The following SNX30 variants were observed in gnomAD, a reference collection of about 807,000 sequenced individuals.
The protein encoded by SNX30 is sorting nexin-30.
A neutral mutation model predicts 46.4 loss-of-function variants in SNX30; 24 were observed. The observed-to-expected ratio is 0.52, with a 90% CI of 0.37 to 0.73. The LOEUF (loss-of-function observed/expected upper bound fraction) is 0.73, where lower values mean the gene tolerates loss of function less well. Ranked by LOEUF, SNX30 falls within the 30% of genes least tolerant of loss-of-function variation. The pLI, the probability that SNX30 is intolerant of heterozygous loss-of-function variation, is 0.00. For synonymous variants in SNX30, 189 were observed against 211.5 expected, an observed-to-expected ratio of 0.89 and a Z score of 0.92; for missense variants, 533 against 555.7, an observed-to-expected ratio of 0.96 and a Z score of 0.41.
chr9:112,857,812 CTAT>C, intron 7 of SNX30, among the ~76,000 whole-genome samples: 2 of 152,062 alleles, frequency 1.3e-5, no homozygotes, highest in East Asian at 1.9e-4. Context: ...ATCCATCCAT[CTAT>C]CTATTTATTT....
At chr9:112,808,738 A>G (rs185132054) in intron 2 of SNX30, among the ~76,000 whole-genome samples, 15 of 152,362 alleles carry the variant, frequency 9.8e-5, no homozygotes, top group Admixed American at 9.8e-4. Flanking sequence ...AGTATTTTGT[A>G]TACTGCCAAT....
chr9:112,762,404 C>T (rs1363483239), intron 1 of SNX30, among the ~76,000 whole-genome samples: 1 of 152,046 alleles, frequency 6.6e-6, no homozygotes, highest in Non-Finnish European at 1.5e-5. Context: ...GTGCTACATG[C>T]TGGGGCTGTA....
rs10739377 is a variant in SNX30, at chr9:112,869,318, C to T, written c.*475C>T. The T allele has an allele frequency of 0.84, 157,974 of 188,206 alleles. 66,962 individuals carry two copies. Among genetic ancestry groups the T allele is most frequent in the Non-Finnish European group, 0.9 (79,835 of 88,472 alleles). 11.7% of individuals were successfully genotyped at this position (188,206 alleles called of 1,614,324 possible). ...GAATTGGCCTCTGTGGGCATTGACT[C>T]GTCTTGGCCTAGGAGGCATTGGTGC... On this transcript the variant is annotated 3_prime_UTR_variant, in exon 9 of 9. Transcript: ENST00000374232.
intron 7 of SNX30, 86 bp downstream of exon 7, chr9:112,851,031 T>A: frequency 1.9e-6 from 2 of 1,038,650 alleles, no homozygotes; most frequent in Non-Finnish European, 2.9e-6. Context: ...TCTGTATGAC[T>A]AAGAGTGGTC....
chr9:112,880,750 C>T (rs1425637105), intron 5 of SNX30, among the ~76,000 whole-genome samples: 1 of 152,212 alleles, frequency 6.6e-6, no homozygotes, highest in Non-Finnish European at 1.5e-5. Flanking sequence ...GCCTTTTCCT[C>T]TCCATCCATT....
intron 2 of SNX30, among the ~76,000 whole-genome samples, chr9:112,805,713 C>T (rs967960644): frequency 2.0e-5 from 3 of 152,196 alleles, no homozygotes; most frequent in African/African-American, 7.2e-5. Flanking sequence ...AGATGATCCA[C>T]CTGCCTCGGC....
chr9:112,805,386 T>G (rs1337261474), intron 2 of SNX30, among the ~76,000 whole-genome samples: 1 of 152,192 alleles, frequency 6.6e-6, no homozygotes, highest in Non-Finnish European at 1.5e-5. Context: ...GGATAGAAAC[T>G]AATACTGTCT....
intron 1 of SNX30, among the ~76,000 whole-genome samples, chr9:112,791,261 T>G (rs1248404720): frequency 2.0e-5 from 3 of 152,150 alleles, no homozygotes; most frequent in Non-Finnish European, 2.9e-5. Context: ...TCTCTCAGGA[T>G]TTGCCTGTTC....
rs111288126 is a variant in SNX30 at position 112,851,525 on chromosome 9, C to T, written c.1101+580C>T. ...AAGTGGCCCTTTACTCCACAGAGTT[C>T]GAGCAGCACTAATCTTGCTTGTCTA... On this transcript the variant is annotated intron_variant, in intron 7 of 8. Coordinates refer to ENST00000374232, the MANE Select transcript of SNX30 (RefSeq NM_001012994.2). Among the ~76,000 whole-genome samples the T allele has an allele frequency of 6.8e-3, 1,031 of 152,292 alleles. 5 individuals are homozygous for T. The highest frequency in any genetic ancestry group is 0.027 in the Middle Eastern group (8 of 294).
At chr9:112,826,127 A>C (rs1374462443) in intron 3 of SNX30, among the ~76,000 whole-genome samples, 1 of 152,164 alleles carries the variant, frequency 6.6e-6, no homozygotes, top group Admixed American at 6.5e-5. Flanking sequence ...CCATCCTCTC[A>C]AGTCTTATTC....
intron 1 of SNX30, among the ~76,000 whole-genome samples, chr9:112,786,198 G>A (rs1167348953): frequency 3.3e-5 from 5 of 149,742 alleles, no homozygotes; most frequent in Non-Finnish European, 3.0e-5. Flanking sequence ...GCTCACCACA[G>A]CCTTGACCTC....
chr9:112,816,857 C>T (rs901004420), intron 2 of SNX30, among the ~76,000 whole-genome samples: 4 of 152,076 alleles, frequency 2.6e-5, no homozygotes, highest in African/African-American at 9.7e-5. Flanking sequence ...ATGTGAGACA[C>T]GGTGTAATTT....
intron 2 of SNX30, among the ~76,000 whole-genome samples, chr9:112,807,505 C>G (rs1840248902): frequency 6.6e-6 from 1 of 152,172 alleles, no homozygotes; most frequent in African/African-American, 2.4e-5. Context: ...ATATTATTTC[C>G]TCAGAGGACC....
rs754729465 is a variant in SNX30, at chr9:112,838,451, C to A, written c.815-47C>A. ...GTGATTACTGAGTCAGTAATAGCAG[C>A]AACTGCTACCCAGCCAGATTTTAAT... On this transcript the variant is annotated intron_variant, in intron 5 of 8. Coordinates refer to ENST00000374232, the MANE Select transcript of SNX30 (RefSeq NM_001012994.2). 5 of 1,523,924 alleles carry A rather than the reference C, an allele frequency of 3.3e-6. No homozygotes were observed. In the Admixed American group the frequency reaches 5.6e-5, roughly 17 times the overall value. 94.4% of individuals were successfully genotyped at this position (1,523,924 alleles called of 1,614,324 possible).
At chr9:112,861,091 C>G (rs1841220897) in intron 7 of SNX30, among the ~76,000 whole-genome samples, 1 of 152,164 alleles carries the variant, frequency 6.6e-6, no homozygotes, top group African/African-American at 2.4e-5. Context: ...GAAACAAAGG[C>G]TTGCTGGGGA....
intron 1 of SNX30, among the ~76,000 whole-genome samples, chr9:112,760,207 G>A (rs566404566): frequency 2.2e-4 from 33 of 152,232 alleles, no homozygotes; most frequent in African/African-American, 7.0e-4. Context: ...GGGAAGAGGC[G>A]AAGTTAAGTA....
At chr9:112,790,474 A>G (rs1248191717) in intron 1 of SNX30, among the ~76,000 whole-genome samples, 1 of 152,144 alleles carries the variant, frequency 6.6e-6, no homozygotes, top group African/African-American at 2.4e-5. Flanking sequence ...GGGACACACT[A>G]CTTTCAAAGT....
chr9:112,843,398 T>C (rs1260410456), intron 6 of SNX30, among the ~76,000 whole-genome samples: 1 of 151,976 alleles, frequency 6.6e-6, no homozygotes, highest in Non-Finnish European at 1.5e-5. Flanking sequence ...GAAAGCCACA[T>C]GGAAAAGGCT....
Position 112,787,545 on chromosome 9 carries a change from T to C in SNX30, c.157-17231T>C, listed in dbSNP as rs1588115851. ...GAAATGTATTTCTGTTTCCTATTTTTAGTTTAGAGAGACAGTTTAGAATCT... is the reference window on the plus strand; with the variant it reads ...GAAATGTATTTCTGTTTCCTATTTTCAGTTTAGAGAGACAGTTTAGAATCT... On this transcript the variant is annotated intron_variant, in intron 1 of 8. Coordinates refer to ENST00000374232, the MANE Select transcript of SNX30 (RefSeq NM_001012994.2). Among the ~76,000 whole-genome samples the C allele has an allele frequency of 2.6e-5, 4 of 152,246 alleles. 1 individual carries two copies. The highest frequency in any genetic ancestry group is 9.6e-5 in the African/African-American group (4 of 41,542).
Sources: gnomAD v4.1 joint callset for allele counts (sites outside exome capture counted in the v4.1 genomes callset) on GRCh38, gnomAD v4.1.1 for gene constraint, MANE v1.5 for transcripts, NCBI Gene and HGNC (gene_info 2026-07-23, HGNC 2026-07-21) for gene names.